Variants in CKAP4 observed in about 807,000 individuals in gnomAD.
CKAP4 encodes the protein cytoskeleton-associated protein 4.
CKAP4 carries 20 observed loss-of-function variants against 24.4 expected under a neutral mutation model. The ratio of observed to expected loss-of-function variants is 0.82; its 90% CI spans 0.58 to 1.19. CKAP4 has a LOEUF of 1.19. Ranked by LOEUF, CKAP4 falls within the 50% of genes most tolerant of loss-of-function variation. The pLI is 0.00. For missense variants in CKAP4, 744 were observed against 765.3 expected, an observed-to-expected ratio of 0.97 and a Z score of 0.33; for synonymous variants, 378 against 351.7, an observed-to-expected ratio of 1.07 and a Z score of -0.84.
rs2034024542 is a variant in CKAP4 at position 106,247,579 on chromosome 12, G to T, written c.273C>A (p.Ala91=). 2 of 1,415,384 alleles carry T rather than the reference G, an allele frequency of 1.4e-6. No homozygotes were observed. The highest frequency in any genetic ancestry group is 1.8e-6 in the Non-Finnish European group (2 of 1,085,110). The allele number at this position is 1,415,384 out of a possible 1,614,324, so 87.7% of individuals were successfully genotyped here. The stretch of plus-strand genomic sequence containing the variant: ...AGGACGCCGAGGACGAGGCGGCGGC[G>T]GCGGCAGCGGCGGCGGAGGCGGAGG... ...SSSSASAAAA[A]AAASSSASCS... The change falls in exon 1 of 2, where the codon GCC becomes GCA. Residue 91 remains alanine, a synonymous_variant. Coordinates refer to ENST00000378026, the MANE Select transcript of CKAP4 (RefSeq NM_006825.4). The surrounding 1 kb of genome is among the most constrained non-coding windows in gnomAD (Gnocchi z 4.5).
chr12:106,244,049 C>A (rs2033988578), intron 1 of CKAP4, among the ~76,000 whole-genome samples: 1 of 152,220 alleles, frequency 6.6e-6, no homozygotes, highest in African/African-American at 2.4e-5. Flanking sequence ...CTTAGGCTGT[C>A]AGAGAACCAA....
rs2033941610 is a variant in CKAP4, at chr12:106,239,197, C to A, written c.1636G>T (p.Val546Leu). 6.2e-7 allele frequency: 1 copy of A among 1,614,206 alleles called. No homozygotes were observed. ...LDNLKASVSQ[V>L]EADLKMLRTA... ...CTGAGCATTTTCAAGTCCGCCTCCA[C>A]TTGGCTGACTGAGGCTTTCAGGTTG... The change falls in exon 2 of 2, where the codon GTG (valine) becomes TTG (leucine). Residue 546 changes from valine (V) to leucine (L), a missense_variant. Coordinates refer to ENST00000378026, the MANE Select transcript of CKAP4 (RefSeq NM_006825.4). The surrounding 1 kb of genome is among the most constrained non-coding windows in gnomAD (Gnocchi z 4.9).
chr12:106,243,942 T>C (rs534362660), intron 1 of CKAP4, among the ~76,000 whole-genome samples: 13 of 152,296 alleles, frequency 8.5e-5, no homozygotes, highest in Non-Finnish European at 1.6e-4. Flanking sequence ...GGCTGACCCA[T>C]AGTGAACAGT....
chr12:106,241,856 T>C (rs1385872605), intron 1 of CKAP4, among the ~76,000 whole-genome samples: 1 of 150,856 alleles, frequency 6.6e-6, no homozygotes, highest in Middle Eastern at 3.2e-3. Context: ...TGGGCACGCA[T>C]AGGGCAAGAG....
rs2033950977 is a variant in CKAP4, at chr12:106,239,690, C to T, written c.1143G>A (p.Lys381=). Residue 381 remains lysine (K), a synonymous_variant, in exon 2 of 2, where the codon AAG becomes AAA. Transcript: ENST00000378026. This position sits in a 1 kb window ranked among gnomAD's most constrained non-coding sequence, Gnocchi z 4.9. ...CCTCCTTCGGCCCGTGGGAATCGGA[C>T]TTCAGCTGGCGGAGCTCTTCCTCCA... ...RRLEEELRQL[K]SDSHGPKEDG... is the part of the protein sequence containing the mutation. The T allele has an allele frequency of 6.2e-7, 1 of 1,614,176 alleles. No homozygotes were observed. Among genetic ancestry groups the T allele is most frequent in the African/African-American group, 1.3e-5 (1 of 75,064 alleles).
rs1055619283 is a variant in CKAP4, at chr12:106,238,230, C to G, written c.*794G>C. 1 of 152,448 alleles carries G rather than the reference C, an allele frequency of 6.6e-6. No homozygotes were observed. Among genetic ancestry groups the G allele is most frequent in the Non-Finnish European group, 1.5e-5 (1 of 68,044 alleles). 9.4% of individuals were successfully genotyped at this position (152,448 alleles called of 1,614,324 possible). On this transcript the variant is annotated 3_prime_UTR_variant, in exon 2 of 2. Coordinates refer to ENST00000378026, the MANE Select transcript of CKAP4 (RefSeq NM_006825.4). Reference sequence around the variant, plus strand: ...ATTCCACTGTAGACAGCTCTCCTCACGAATTTTTTGAAAGAACCCAAGGAC... The same window carrying G: ...ATTCCACTGTAGACAGCTCTCCTCAGGAATTTTTTGAAAGAACCCAAGGAC...
In CKAP4 at chr12:106,239,779, G is replaced by C. The variant is rs150919623; in HGVS notation, c.1054C>G (p.Leu352Val). 6.5e-4 allele frequency: 1,057 copies of C among 1,613,964 alleles called. 9 individuals are homozygous for C. Among genetic ancestry groups the C allele is most frequent in the Admixed American group, 2.2e-4 (13 of 60,016 alleles). ...ADTERLALQA[L>V]TEKLLRSEES... ...TCAGACCTGAGAAGCTTCTCCGTGA[G>C]GGCCTGCAGGGCGAGCCGCTCCGTG... The change falls in exon 2 of 2, where the codon CTC (leucine) becomes GTC (valine). Residue 352 changes from leucine to valine, a missense_variant. Around this residue, in one of 3 missense-constraint regions of CKAP4, gnomAD observed 401 missense variants for 424.5 expected, o/e 0.94. Transcript: ENST00000378026. The surrounding 1 kb of genome is among the most constrained non-coding windows in gnomAD (Gnocchi z 4.9).
chr12:106,244,298 C>T (rs748678215), intron 1 of CKAP4, among the ~76,000 whole-genome samples: 4 of 152,212 alleles, frequency 2.6e-5, no homozygotes, highest in Admixed American at 1.3e-4. Flanking sequence ...GCTATATCAC[C>T]GCTCAGTTAC....
At chr12:106,241,545 G>T (rs1252822406) in intron 1 of CKAP4, among the ~76,000 whole-genome samples, 1 of 151,956 alleles carries the variant, frequency 6.6e-6, no homozygotes, top group Non-Finnish European at 1.5e-5. Context: ...GTTTTAGCCG[G>T]GATGGTCTCG....
intron 1 of CKAP4, among the ~76,000 whole-genome samples, chr12:106,243,710 CAGA>C (rs2033985693): frequency 6.6e-6 from 1 of 152,208 alleles, no homozygotes; most frequent in Non-Finnish European, 1.5e-5. Flanking sequence ...TACAGTCATT[CAGA>C]AGATTTGAGC....
chr12:106,246,272 C>A (rs1268147999), intron 1 of CKAP4, among the ~76,000 whole-genome samples: 1 of 152,218 alleles, frequency 6.6e-6, no homozygotes, highest in Non-Finnish European at 1.5e-5. Context: ...ATTCCTCTGT[C>A]TAAACCTCAA....
chr12:106,240,329 T>C lies in CKAP4; in HGVS notation c.504A>G (p.Thr168=), dbSNP rs1163991794. ...TCAAGATGGACTCAAAAGTTCCAAA[T>C]GTGGCTTGCAAAGACTGCACCTGTA... is the stretch of plus-strand genomic sequence containing the variant. ...VEQKVQSLQA[T]FGTFESILRS... Residue 168 remains threonine, a synonymous_variant, in exon 2 of 2, where the codon ACA becomes ACG. Coordinates refer to ENST00000378026, the MANE Select transcript of CKAP4 (RefSeq NM_006825.4). 6.2e-7 allele frequency: 1 copy of C among 1,613,098 alleles called. No homozygotes were observed. Among genetic ancestry groups the C allele is most frequent in the Middle Eastern group, 1.7e-4 (1 of 5,944 alleles).
chr12:106,247,697 T>TGCGGGTGCG lies in CKAP4; in HGVS notation c.146_154dup (p.Pro49_Pro51dup). On this transcript the variant is annotated inframe_insertion, in exon 1 of 2. Coordinates refer to ENST00000378026, the MANE Select transcript of CKAP4 (RefSeq NM_006825.4). This position sits in a 1 kb window ranked among gnomAD's most constrained non-coding sequence, Gnocchi z 4.5. The stretch of plus-strand genomic sequence containing the variant: ...CTGCGGGTGCTGCTGCGGGTGCTGC[T>TGCGGGTGCG]GCGGGTGCGGCGCGGGCGGCGGCGG... 1 of 1,044,794 alleles carries TGCGGGTGCG rather than the reference T, an allele frequency of 9.6e-7. No homozygotes were observed. Among genetic ancestry groups the TGCGGGTGCG allele is most frequent in the Non-Finnish European group, 1.1e-6 (1 of 877,826 alleles). 64.7% of individuals were successfully genotyped at this position (1,044,794 alleles called of 1,614,324 possible).
intron 1 of CKAP4, among the ~76,000 whole-genome samples, chr12:106,244,398 T>G (rs2033990735): frequency 6.6e-6 from 1 of 152,242 alleles, no homozygotes; most frequent in Non-Finnish European, 1.5e-5. Context: ...ATGATGCATT[T>G]TCAAATGCTT....
In CKAP4 at chr12:106,247,855, G is replaced by A; in HGVS notation, c.-4C>T. The A allele has an allele frequency of 9.6e-6, 10 of 1,039,232 alleles. No individual in the cohort carries two copies. Among genetic ancestry groups the A allele is most frequent in the South Asian group, 4.4e-5 (1 of 22,598 alleles). 64.4% of individuals were successfully genotyped at this position (1,039,232 alleles called of 1,614,324 possible). ...CCCTTTGTTTGGCCGAGGGCATGGC[G>A]GGCGCGGCGGCGGCTCGGGCCGCGG... is the stretch of plus-strand genomic sequence containing the variant. On this transcript the variant is annotated 5_prime_UTR_variant, in exon 1 of 2. Coordinates refer to ENST00000378026, the MANE Select transcript of CKAP4 (RefSeq NM_006825.4). The surrounding 1 kb of genome is among the most constrained non-coding windows in gnomAD (Gnocchi z 4.5).
Position 106,237,959 on chromosome 12 carries a change from A to G in CKAP4, c.*1065T>C, listed in dbSNP as rs2033919599. ...TACAGTTCATTTCACAGTAAACTAAACAAAACTTTTTTTTTTTTTTTTTAC... is the reference window on the plus strand; with the variant it reads ...TACAGTTCATTTCACAGTAAACTAAGCAAAACTTTTTTTTTTTTTTTTTAC... On this transcript the variant is annotated 3_prime_UTR_variant, in exon 2 of 2. Transcript: ENST00000378026. 6.8e-6 allele frequency: 1 copy of G among 146,920 alleles called. No homozygotes were observed. The highest frequency in any genetic ancestry group is 2.1e-4 in the South Asian group (1 of 4,652). 9.1% of individuals were successfully genotyped at this position (146,920 alleles called of 1,614,324 possible).
At chr12:106,244,972 G>T (rs2033995827) in intron 1 of CKAP4, among the ~76,000 whole-genome samples, 1 of 152,126 alleles carries the variant, frequency 6.6e-6, no homozygotes, top group Non-Finnish European at 1.5e-5. Context: ...GAAGCAAAAA[G>T]AAGGGACTAA....
chr12:106,247,799 G>C lies in CKAP4; in HGVS notation c.53C>G (p.Pro18Arg). 44 of 1,052,226 alleles carry C rather than the reference G, an allele frequency of 4.2e-5. No individual in the cohort carries two copies. Among genetic ancestry groups the C allele is most frequent in the Non-Finnish European group, 4.9e-5 (43 of 877,078 alleles). The allele number at this position is 1,052,226 out of a possible 1,614,324, so 65.2% of individuals were successfully genotyped here. The change falls in exon 1 of 2, where the codon CCC (proline) becomes CGC (arginine). Residue 18 changes from proline to arginine, a missense_variant. Pro to Arg is a moderately radical substitution (Grantham distance 103). This residue lies in a region of CKAP4 where 300 missense variants were observed against 264.5 expected (regional missense o/e 1.13). Transcript: ENST00000378026. This position sits in a 1 kb window ranked among gnomAD's most constrained non-coding sequence, Gnocchi z 4.5. ...CGACGGGTGGGCACCCTTCTCCGAG[G>C]GGCTCGCGGCGCCGTGGCCGCCCTT... ...GSKGGHGAAS[P>R]SEKGAHPSGG...
intron 1 of CKAP4, among the ~76,000 whole-genome samples, chr12:106,246,550 C>G (rs1008033242): frequency 5.9e-5 from 9 of 152,142 alleles, no homozygotes; most frequent in South Asian, 4.1e-4. Flanking sequence ...CGAGACCAGC[C>G]TGGCCAATAC....
Sources: gnomAD v4.1 joint callset for allele counts (sites outside exome capture counted in the v4.1 genomes callset) on GRCh38, gnomAD v4.1.1 for gene constraint, gnomAD v4.1.1 regional missense constraint, Gnocchi (gnomAD v3.1) non-coding constraint, MANE v1.5 for transcripts, NCBI Gene and HGNC (gene_info 2026-07-23, HGNC 2026-07-21) for gene names.